SCHIP1: variants seen among roughly 807,000 people sequenced by gnomAD.
The protein encoded by SCHIP1 is schwannomin interacting protein 1, also known as schwannomin-interacting protein 1.
In SCHIP1, 8 loss-of-function variants were observed where a neutral mutation model predicts 29.7. The ratio of observed to expected loss-of-function variants is 0.27; its 90% CI spans 0.16 to 0.49. The LOEUF (loss-of-function observed/expected upper bound fraction) is 0.49. Ranked by LOEUF, SCHIP1 falls within the 20% of genes least tolerant of loss-of-function variation. The pLI is 0.99. For missense variants in SCHIP1, 193 were observed against 294.6 expected, an observed-to-expected ratio of 0.66 and a Z score of 2.52; for synonymous variants, 76 against 94.9, an observed-to-expected ratio of 0.80 and a Z score of 1.16.
intron 2 of SCHIP1, among the ~76,000 whole-genome samples, chr3:159,871,601 C>T (rs1321709011): frequency 6.6e-6 from 1 of 152,108 alleles, no homozygotes; most frequent in Non-Finnish European, 1.5e-5. Context: ...CATTGGGATG[C>T]ATCTAATTGA....
chr3:159,283,591 A>C, the SCHIP1 span, among the ~76,000 whole-genome samples: 1 of 151,738 alleles, frequency 6.6e-6, no homozygotes, highest in Admixed American at 6.6e-5. Context: ...GGCGTGAGCC[A>C]CCGCGCCTGG....
chr3:159,710,164 A>G, the SCHIP1 span, among the ~76,000 whole-genome samples: 1 of 152,150 alleles, frequency 6.6e-6, no homozygotes, highest in Non-Finnish European at 1.5e-5. Context: ...TCTATTCACA[A>G]CAGCCAAGAT....
the SCHIP1 span, among the ~76,000 whole-genome samples, chr3:159,683,466 C>A: frequency 6.6e-6 from 1 of 151,986 alleles, no homozygotes; most frequent in Non-Finnish European, 1.5e-5. Context: ...TTGTAATATT[C>A]TTTCTCAGCT....
the SCHIP1 span, among the ~76,000 whole-genome samples, chr3:159,471,368 G>C: frequency 6.6e-6 from 1 of 152,068 alleles, no homozygotes; most frequent in African/African-American, 2.4e-5. Flanking sequence ...ATGAGGAAGA[G>C]AAAGATTCTT....
chr3:159,734,565 A>G, the SCHIP1 span, among the ~76,000 whole-genome samples: 6 of 152,198 alleles, frequency 3.9e-5, no homozygotes, highest in Middle Eastern at 3.4e-3. Flanking sequence ...AACTTCACAC[A>G]AGCCACTTAC....
chr3:159,294,404 TA>T, the SCHIP1 span, among the ~76,000 whole-genome samples: 1 of 152,188 alleles, frequency 6.6e-6, no homozygotes, highest in Non-Finnish European at 1.5e-5. Context: ...CGAGATGCTT[TA>T]AAAATATTCC....
the SCHIP1 span, among the ~76,000 whole-genome samples, chr3:159,696,951 G>C: frequency 0.014 from 2,074 of 152,356 alleles, 21 homozygotes; most frequent in Non-Finnish European, 0.021. Context: ...GTGCTGGCTA[G>C]TGGGGAGGGC....
At chr3:159,563,454 C>A in the SCHIP1 span, among the ~76,000 whole-genome samples, 1 of 151,802 alleles carries the variant, frequency 6.6e-6, no homozygotes, top group Non-Finnish European at 1.5e-5. Flanking sequence ...CCTAGATATA[C>A]CTAGATTTAT....
chr3:159,665,217 T>C, the SCHIP1 span, among the ~76,000 whole-genome samples: 1 of 152,236 alleles, frequency 6.6e-6, no homozygotes, highest in African/African-American at 2.4e-5. Context: ...TGTAACGCGA[T>C]TGGGATATAG....
the SCHIP1 span, among the ~76,000 whole-genome samples, chr3:159,684,056 C>T: frequency 2.6e-5 from 4 of 152,104 alleles, no homozygotes; most frequent in South Asian, 8.3e-4. Context: ...AACAAAGGGC[C>T]CTGCTGGGCT....
the SCHIP1 span, among the ~76,000 whole-genome samples, chr3:159,591,203 T>G: frequency 6.6e-6 from 1 of 152,190 alleles, no homozygotes; most frequent in South Asian, 2.1e-4. Context: ...TATAGTCATG[T>G]CATCTACAAA....
At chr3:159,711,278 G>A in the SCHIP1 span, among the ~76,000 whole-genome samples, 4 of 76,230 alleles carry the variant, frequency 5.2e-5, no homozygotes, top group Non-Finnish European at 6.4e-5. Context: ...GGAGAATGGC[G>A]TGAACCCGGG....
At chr3:159,753,193 C>T in the SCHIP1 span, among the ~76,000 whole-genome samples, 1 of 152,174 alleles carries the variant, frequency 6.6e-6, no homozygotes, top group Non-Finnish European at 1.5e-5. Context: ...CACCTAAAAC[C>T]AAGCTTTCAA....
the SCHIP1 span, among the ~76,000 whole-genome samples, chr3:159,797,795 C>G: frequency 6.6e-6 from 1 of 151,986 alleles, no homozygotes; most frequent in African/African-American, 2.4e-5. Flanking sequence ...ATTTGCAATT[C>G]TAGAATTAGG....
At chr3:159,810,455 G>C in the SCHIP1 span, among the ~76,000 whole-genome samples, 3 of 152,198 alleles carry the variant, frequency 2.0e-5, no homozygotes, top group Admixed American at 2.0e-4. Context: ...CATTCCTCTT[G>C]CTCATTGGCA....
the SCHIP1 span, among the ~76,000 whole-genome samples, chr3:159,805,353 A>G: frequency 1.3e-5 from 2 of 152,226 alleles, no homozygotes; most frequent in African/African-American, 4.8e-5. Context: ...TGAGGAAAGC[A>G]TCGGCTCTAG....
At chr3:159,645,916 A>G in the SCHIP1 span, among the ~76,000 whole-genome samples, 2 of 152,268 alleles carry the variant, frequency 1.3e-5, no homozygotes, top group South Asian at 4.1e-4. Flanking sequence ...CAATTTTGAT[A>G]CCATTGTGTT....
At chr3:159,527,463 A>G in the SCHIP1 span, among the ~76,000 whole-genome samples, 2 of 152,220 alleles carry the variant, frequency 1.3e-5, no homozygotes, top group Non-Finnish European at 2.9e-5. Flanking sequence ...GGTGACACTA[A>G]GAAACAATTG....
At chr3:159,424,987 A>G in the SCHIP1 span, among the ~76,000 whole-genome samples, 1 of 152,034 alleles carries the variant, frequency 6.6e-6, no homozygotes. Flanking sequence ...AGACAAGCAA[A>G]TGCTGAGAGA....
Sources: gnomAD v4.1 joint callset for allele counts (sites outside exome capture counted in the v4.1 genomes callset) on GRCh38, gnomAD v4.1.1 for gene constraint, MANE v1.5 for transcripts, NCBI Gene and HGNC (gene_info 2026-07-23, HGNC 2026-07-21) for gene names.